Variants in PTPRO observed in about 807,000 individuals in gnomAD.
The protein encoded by PTPRO is protein tyrosine phosphatase receptor type O, also known as receptor-type tyrosine-protein phosphatase O.
PTPRO carries 62 observed loss-of-function variants against 145.2 expected under a neutral mutation model. That is an observed-to-expected ratio of 0.43 (90% CI 0.35 to 0.53). The LOEUF (loss-of-function observed/expected upper bound fraction) is 0.53, where lower values mean the gene tolerates loss of function less well. Among genes scored for constraint, PTPRO ranks in the 20% least tolerant of loss-of-function variants. The pLI is 0.01. For synonymous variants in PTPRO, 565 were observed against 514.7 expected (o/e 1.10, Z -1.32); for missense variants, 1,345 against 1,482.7 (o/e 0.91, Z 1.53).
intron 16 of PTPRO, among the ~76,000 whole-genome samples, chr12:15,558,577 C>T (rs779973253): frequency 6.6e-6 from 1 of 152,180 alleles, no homozygotes; most frequent in African/African-American, 2.4e-5. Context: ...CTAACATGTA[C>T]TACTTACATG....
At chr12:15,390,628 G>C (rs1455323558) in intron 1 of PTPRO, among the ~76,000 whole-genome samples, 2 of 152,142 alleles carry the variant, frequency 1.3e-5, no homozygotes, top group African/African-American at 4.8e-5. Flanking sequence ...CCACACCATG[G>C]TACCAGAGAA....
At chr12:15,414,116 C>T (rs1490191208) in intron 1 of PTPRO, among the ~76,000 whole-genome samples, 3 of 152,122 alleles carry the variant, frequency 2.0e-5, no homozygotes, top group Non-Finnish European at 2.9e-5. Context: ...CTTGTCTAAC[C>T]GTAAGAACCT....
At chr12:15,562,918 T>C (rs1263340131) in intron 17 of PTPRO, among the ~76,000 whole-genome samples, 1 of 152,092 alleles carries the variant, frequency 6.6e-6, no homozygotes, top group African/African-American at 2.4e-5. Context: ...TATACTAAAG[T>C]CCTTTTTAAG....
chr12:15,470,050 G>A (rs1941505038), intron 1 of PTPRO, among the ~76,000 whole-genome samples: 1 of 152,180 alleles, frequency 6.6e-6, no homozygotes, highest in Non-Finnish European at 1.5e-5. Context: ...TTTGAACCCA[G>A]ATCTCTGTGT....
intron 1 of PTPRO, among the ~76,000 whole-genome samples, chr12:15,443,634 T>A (rs1368221813): frequency 6.6e-6 from 1 of 151,900 alleles, no homozygotes; most frequent in Non-Finnish European, 1.5e-5. Context: ...CACATGAAAC[T>A]TAAACAATTG....
intron 23 of PTPRO, among the ~76,000 whole-genome samples, chr12:15,582,602 G>A (rs1300125301): frequency 1.3e-5 from 2 of 152,208 alleles, no homozygotes; most frequent in African/African-American, 4.8e-5. Context: ...GAGGACAGAA[G>A]TGTTCTCATT....
At chr12:15,432,806 A>C (rs183159424) in intron 1 of PTPRO, among the ~76,000 whole-genome samples, 5 of 152,164 alleles carry the variant, frequency 3.3e-5, no homozygotes, top group Non-Finnish European at 5.9e-5. Context: ...TCTTCTATAG[A>C]AAAGTGTTTG....
intron 1 of PTPRO, among the ~76,000 whole-genome samples, chr12:15,388,752 C>T (rs754729572): frequency 2.8e-4 from 43 of 152,232 alleles, no homozygotes; most frequent in Non-Finnish European, 4.1e-4. Flanking sequence ...AAAATCTTTT[C>T]TAGTGAGCAC....
chr12:15,438,679 T>C (rs750845121), intron 1 of PTPRO, among the ~76,000 whole-genome samples: 4 of 151,946 alleles, frequency 2.6e-5, no homozygotes, highest in Admixed American at 6.6e-5. Flanking sequence ...ATTTTAAAAA[T>C]GAGCAGTCCT....
At chr12:15,544,701 C>A (rs1943246834) in intron 12 of PTPRO, among the ~76,000 whole-genome samples, 1 of 152,062 alleles carries the variant, frequency 6.6e-6, no homozygotes, top group Non-Finnish European at 1.5e-5. Context: ...CAACTTCACA[C>A]TTGGTTCTAT....
intron 17 of PTPRO, among the ~76,000 whole-genome samples, chr12:15,562,938 T>C (rs1943811288): frequency 6.6e-6 from 1 of 152,130 alleles, no homozygotes; most frequent in Non-Finnish European, 1.5e-5. Flanking sequence ...GGTTTGGGGA[T>C]GGTTTCTGCT....
chr12:15,482,577 A>G (rs1941802502), intron 1 of PTPRO, among the ~76,000 whole-genome samples: 1 of 152,172 alleles, frequency 6.6e-6, no homozygotes, highest in African/African-American at 2.4e-5. Flanking sequence ...TGATATGTTA[A>G]TCACCCTGAT....
intron 1 of PTPRO, among the ~76,000 whole-genome samples, chr12:15,444,959 GTCTC>G (rs1327262624): frequency 1.3e-5 from 2 of 151,980 alleles, no homozygotes. Flanking sequence ...AGGACTTTTT[GTCTC>G]TCAATGGGTT....
At chr12:15,438,860 C>T (rs185637570) in intron 1 of PTPRO, among the ~76,000 whole-genome samples, 214 of 152,242 alleles carry the variant, frequency 1.4e-3, no homozygotes, top group Non-Finnish European at 2.4e-3. Flanking sequence ...CAGAGAATAC[C>T]TGTGAGATAC....
rs763723552 is a variant in PTPRO at position 15,469,768 on chromosome 12, C to CCAA, written c.76-14206_76-14205insCAA. On this transcript the variant is annotated intron_variant, in intron 1 of 26. Transcript: ENST00000281171. ...AGGAATCATGGCGTTAGTGTCCTGA[C>CCAA]AAAAAAAAAAAAAAAAAAATACAGC... is the stretch of plus-strand genomic sequence containing the variant. Among the ~76,000 whole-genome samples the CCAA allele has an allele frequency of 1.4e-4, 15 of 110,404 alleles. 1 individual carries two copies. Among genetic ancestry groups the CCAA allele is most frequent in the African/African-American group, 3.4e-4 (10 of 29,310 alleles). The allele number at this position is 110,404 out of a possible 152,430, so 72.4% of individuals were successfully genotyped here. A position where few individuals can be genotyped will look rare whatever the true frequency, so the allele number is the denominator to read the frequency against.
intron 1 of PTPRO, among the ~76,000 whole-genome samples, chr12:15,431,064 A>G (rs994194229): frequency 6.6e-6 from 1 of 152,240 alleles, no homozygotes; most frequent in African/African-American, 2.4e-5. Context: ...CTAGTCACTC[A>G]GGGGACAGAA....
intron 1 of PTPRO, among the ~76,000 whole-genome samples, chr12:15,463,614 T>G (rs1941353386): frequency 6.6e-6 from 1 of 152,188 alleles, no homozygotes; most frequent in African/African-American, 2.4e-5. Flanking sequence ...TCTATCACCA[T>G]TATATCATTC....
intron 3 of PTPRO, among the ~76,000 whole-genome samples, chr12:15,497,611 G>A (rs1478939721): frequency 6.6e-6 from 1 of 152,232 alleles, no homozygotes; most frequent in Non-Finnish European, 1.5e-5. Flanking sequence ...CGTGTGTCAT[G>A]TGTTCAGCAT....
chr12:15,551,475 A>G (rs1377700859), intron 14 of PTPRO, 76 bp from the exon 15 acceptor site: 22 of 1,563,606 alleles, frequency 1.4e-5, no homozygotes, highest in Non-Finnish European at 1.9e-5. Context: ...TTAAGACTAG[A>G]TGAAAAGCAA....
Sources: allele counts gnomAD v4.1 joint callset (sites outside exome capture counted in the v4.1 genomes callset), GRCh38; gene constraint gnomAD v4.1.1; transcripts MANE v1.5; gene names NCBI Gene and HGNC (gene_info 2026-07-23, HGNC 2026-07-21).